INTS6: variants seen among roughly 807,000 people sequenced by gnomAD.
INTS6 encodes integrator complex subunit 6, also known as DEAD box protein.
INTS6 carries 16 observed loss-of-function variants against 104.9 expected under a neutral mutation model. The ratio of observed to expected loss-of-function variants is 0.15; its 90% CI spans 0.10 to 0.23. INTS6 has a LOEUF of 0.23. INTS6 is among the 10% of genes least tolerant of loss of function. The probability of loss-of-function intolerance (pLI) is 1.00; values close to 1 mark genes in which losing one functional copy is unlikely to be tolerated. For synonymous variants in INTS6, 324 were observed against 358.7 expected (o/e 0.90, Z 1.09); for missense variants, 584 against 1,062.8 (o/e 0.55, Z 6.26).
chr13:51,347,150 G>T, the INTS6 span: 2 of 1,613,818 alleles, frequency 1.2e-6, no homozygotes, highest in Non-Finnish European at 1.7e-6. Context: ...CTCCTCCACA[G>T]ACACACAGAT....
chr13:51,390,819 T>C (rs894705481), intron 5 of INTS6, among the ~76,000 whole-genome samples: 1 of 152,102 alleles, frequency 6.6e-6, no homozygotes, highest in Non-Finnish European at 1.5e-5. Context: ...TACCAATTAC[T>C]GAGTATCTAC....
Position 51,407,032 on chromosome 13 carries a change from A to C in INTS6, c.430-11549T>G, listed in dbSNP as rs1593719705. ...TTGGACACCCCTGTGTCTAAGCCACAGTAGCCTTCTTTCAGTTCTTCATTC... is the reference window on the plus strand; with the variant it reads ...TTGGACACCCCTGTGTCTAAGCCACCGTAGCCTTCTTTCAGTTCTTCATTC... On this transcript the variant is annotated intron_variant, in intron 4 of 17. Coordinates refer to ENST00000311234, the MANE Select transcript of INTS6 (RefSeq NM_012141.3). Among the ~76,000 whole-genome samples, 8 of 152,050 alleles carry C rather than the reference A, an allele frequency of 5.3e-5. No individual in the cohort carries two copies. The South Asian group carries it at 1.7e-3, about 32-fold the overall frequency.
intron 4 of INTS6, among the ~76,000 whole-genome samples, chr13:51,398,948 C>G (rs1270724487): frequency 6.6e-6 from 1 of 152,042 alleles, no homozygotes; most frequent in Non-Finnish European, 1.5e-5. Context: ...GAACATATAT[C>G]CAGAAAGCAC....
At chr13:51,411,256 A>AATAG (rs1566233063) in intron 4 of INTS6, among the ~76,000 whole-genome samples, 1 of 146,030 alleles carries the variant, frequency 6.8e-6, no homozygotes, top group East Asian at 2.0e-4. Flanking sequence ...TAAATAAATA[A>AATAG]GCAAGCAAGC....
At chr13:51,415,134 T>A (rs1430078223) in intron 4 of INTS6, among the ~76,000 whole-genome samples, 3 of 151,598 alleles carry the variant, frequency 2.0e-5, no homozygotes, top group South Asian at 2.1e-4. Flanking sequence ...TTTTTTTTTT[T>A]AAAGGAAAGG....
chr13:51,387,023 G>A (rs1956152158), intron 7 of INTS6, among the ~76,000 whole-genome samples: 1 of 152,050 alleles, frequency 6.6e-6, no homozygotes, highest in Non-Finnish European at 1.5e-5. Context: ...CTAAAAAATT[G>A]CAGGCAAACT....
chr13:51,337,832 G>T, the INTS6 span, among the ~76,000 whole-genome samples: 1 of 152,160 alleles, frequency 6.6e-6, no homozygotes, highest in Admixed American at 6.5e-5. Flanking sequence ...ATATCTCCAA[G>T]AATGGAGCCT....
downstream of INTS6, chr13:51,353,958 G>A (rs561649525): frequency 2.0e-4 from 30 of 152,152 alleles, no homozygotes; most frequent in Middle Eastern, 3.4e-3. Flanking sequence ...CTTGTCCCTG[G>A]GGAAATATAA....
intron 10 of INTS6, among the ~76,000 whole-genome samples, chr13:51,380,165 T>C (rs778067267): frequency 6.6e-6 from 1 of 152,074 alleles, no homozygotes; most frequent in Non-Finnish European, 1.5e-5. Flanking sequence ...TATTATCATA[T>C]GCTGAGCTGA....
the INTS6 span, among the ~76,000 whole-genome samples, chr13:51,336,544 A>G: frequency 4.6e-5 from 7 of 152,232 alleles, no homozygotes; most frequent in Non-Finnish European, 1.0e-4. Flanking sequence ...GCATAGATTC[A>G]TAGTCCAGCC....
chr13:51,430,261 T>C, intron 4 of INTS6, 33 bp downstream of exon 4: 2 of 1,559,370 alleles, frequency 1.3e-6, no homozygotes, highest in South Asian at 2.2e-5. Flanking sequence ...TCAACTGCAT[T>C]TGCATAATCC....
At chr13:51,403,912 G>C (rs1956498240) in intron 4 of INTS6, among the ~76,000 whole-genome samples, 1 of 152,018 alleles carries the variant, frequency 6.6e-6, no homozygotes, top group Non-Finnish European at 1.5e-5. Context: ...GCACCTCTCA[G>C]TGTCCTGCCA....
At chr13:51,442,872 C>G (rs1349975725) in intron 3 of INTS6, 1 of 152,174 alleles carries the variant, frequency 6.6e-6, no homozygotes, top group Non-Finnish European at 1.5e-5. Context: ...GGGACCGCTG[C>G]CCTAAATTCA....
chr13:51,361,518 A>C, downstream of INTS6: 1 of 613,460 alleles, frequency 1.6e-6, no homozygotes, highest in Non-Finnish European at 2.8e-6. Context: ...GAAAACAAAA[A>C]GTTTTTGAAA....
At chr13:51,341,467 TCA>T in the INTS6 span, 30 of 971,772 alleles carry the variant, frequency 3.1e-5, no homozygotes, top group Non-Finnish European at 4.1e-5. Context: ...CTGCTCATAC[TCA>T]CACTCACTCT....
chr13:51,434,773 T>A (rs552360623), intron 3 of INTS6, among the ~76,000 whole-genome samples: 1 of 152,106 alleles, frequency 6.6e-6, no homozygotes, highest in African/African-American at 2.4e-5. Context: ...TGTTGCTGCA[T>A]AATGTCATCT....
intron 4 of INTS6, among the ~76,000 whole-genome samples, chr13:51,413,472 C>T (rs1956726916): frequency 6.6e-6 from 1 of 152,064 alleles, no homozygotes; most frequent in African/African-American, 2.4e-5. Flanking sequence ...CATATGACAA[C>T]CATGAGATGT....
At chr13:51,429,785 A>AATATATATATATATATATAT (rs201277531) in intron 4 of INTS6, among the ~76,000 whole-genome samples, 2 of 92,358 alleles carry the variant, frequency 2.2e-5, no homozygotes, top group Admixed American at 2.8e-4. Context: ...AAAAAAAAAA[A>AATATATATATATATATATAT]ATATATATAT....
intron 3 of INTS6, chr13:51,438,413 T>A (rs1317875027): frequency 3.9e-5 from 6 of 152,124 alleles, no homozygotes; most frequent in Admixed American, 1.3e-4. Flanking sequence ...TAGTTTTACC[T>A]TAGAAATGCA....
Sources: allele counts gnomAD v4.1 joint callset (sites outside exome capture counted in the v4.1 genomes callset), GRCh38; gene constraint gnomAD v4.1.1; transcripts MANE v1.5; gene names NCBI Gene and HGNC (gene_info 2026-07-23, HGNC 2026-07-21).